The following KDM6B variants were observed in gnomAD, a reference collection of about 807,000 sequenced individuals.
KDM6B encodes the protein lysine demethylase 6B.
A neutral mutation model predicts 150.4 loss-of-function variants in KDM6B; 22 were observed. The observed-to-expected ratio is 0.15, with a 90% confidence interval of 0.10 to 0.21. KDM6B has a LOEUF of 0.21. Among genes scored for constraint, KDM6B ranks in the 10% least tolerant of loss-of-function variants. The pLI is 1.00. For missense variants in KDM6B, 1,984 were observed against 2,234.3 expected (o/e 0.89, Z 2.26); for synonymous variants, 1,148 against 921.1 (o/e 1.25, Z -4.46).
chr17:7,852,448 T>C (rs200413847), intron 20 of KDM6B, 47 bp from the exon 21 acceptor site: 1 of 1,289,832 alleles, frequency 7.8e-7, no homozygotes, highest in Non-Finnish European at 1.1e-6. Context: ...GGCCTAGGTG[T>C]CTGGGGGCTG....
chr17:7,844,324 CAGGGGAAGTAG>C lies in KDM6B; in HGVS notation c.-268-573_-268-563del, dbSNP rs200045810. ...GGTCGGTATTGAAGACCCAGAAAGC[CAGGGGAAGTAG>C]AGGACCTGGAGGAACTGGGTATGAG... On this transcript the variant is annotated intron_variant, in intron 2 of 23. Coordinates refer to ENST00000448097, the MANE Select transcript of KDM6B (RefSeq NM_001348716.2). This position sits in a 1 kb window ranked among gnomAD's most constrained non-coding sequence, Gnocchi z 5.9. 3,522 of 152,168 alleles carry C rather than the reference CAGGGGAAGTAG, an allele frequency of 0.023. 60 individuals are homozygous for C. The highest frequency in any genetic ancestry group is 0.11 in the Middle Eastern group (32 of 294). 9.4% of individuals were successfully genotyped at this position (152,168 alleles called of 1,614,324 possible). A position where few individuals can be genotyped will look rare whatever the true frequency, so the allele number is the denominator to read the frequency against.
In KDM6B at chr17:7,849,006, TG is replaced by T; in HGVS notation, c.2719del (p.Ala907LeufsTer8). ...QPPPPLSLPP[A>X]RSESEVLEEI... is the part of the protein sequence containing the mutation. ...CGCCCCCACCCCTATCTCTGCCCCCTGCTCGCTCTGAGTCTGAGGTGCTAGA... is the reference window on the plus strand; with the variant it reads ...CGCCCCCACCCCTATCTCTGCCCCCTCTCGCTCTGAGTCTGAGGTGCTAGA... On this transcript the variant is annotated frameshift_variant, in exon 12 of 24. Transcript: ENST00000448097. LOFTEE classifies it high-confidence loss of function. 1 of 855,826 alleles carries T rather than the reference TG, an allele frequency of 1.2e-6. No individual in the cohort carries two copies. The highest frequency in any genetic ancestry group is 1.7e-6 in the Non-Finnish European group (1 of 590,418). 53.0% of individuals were successfully genotyped at this position (855,826 alleles called of 1,614,324 possible).
At chr17:7,845,767 T>G in intron 5 of KDM6B, 76 bp downstream of exon 5, 1 of 1,607,328 alleles carries the variant, frequency 6.2e-7, no homozygotes, top group Non-Finnish European at 8.5e-7. Flanking sequence ...TCATTCTCCA[T>G]GGGTTCCTGT....
chr17:7,850,916 ACCAC>A (rs2078679213), intron 14 of KDM6B, 101 bp from the exon 15 acceptor site: 2 of 1,045,996 alleles, frequency 1.9e-6, no homozygotes, highest in Admixed American at 4.0e-5. Flanking sequence ...TAAACCTATG[ACCAC>A]CCTGTCAGAG....
Position 7,851,321 on chromosome 17 carries a change from GC to G in KDM6B, c.3880-8del. 1 of 1,614,040 alleles carries G rather than the reference GC, an allele frequency of 6.2e-7. No homozygotes were observed. Among genetic ancestry groups the G allele is most frequent in the Non-Finnish European group, 8.5e-7 (1 of 1,180,032 alleles). ...CTGACCCAGGCCTGCCTACCCTCTG[GC>G]TGAACAGGAGGAGAAGGAGAGTGAG... On this transcript the variant is annotated splice_region_variant and splice_polypyrimidine_tract_variant and intron_variant, in intron 15 of 23. Coordinates refer to ENST00000448097, the MANE Select transcript of KDM6B (RefSeq NM_001348716.2).
rs552080857 is a variant in KDM6B, at chr17:7,853,662, C to T, written c.*141C>T. ...TCCACCCCATTGGCAGCTCCCCTCA[C>T]TTAATTTATTAAGAAAAACTTTTTT... On this transcript the variant is annotated 3_prime_UTR_variant, in exon 24 of 24. Coordinates refer to ENST00000448097, the MANE Select transcript of KDM6B (RefSeq NM_001348716.2). The T allele has an allele frequency of 8.1e-4, 353 of 436,838 alleles. 1 individual carries two copies. Among genetic ancestry groups the T allele is most frequent in the African/African-American group, 6.8e-3 (324 of 47,480 alleles). 27.1% of individuals were successfully genotyped at this position (436,838 alleles called of 1,614,324 possible).
In KDM6B at chr17:7,848,279, C is replaced by G. The variant is rs142473008; in HGVS notation, c.1991C>G (p.Pro664Arg). The G allele has an allele frequency of 1.9e-6, 3 of 1,612,350 alleles. No homozygotes were observed. The Admixed American group carries it at 5.0e-5, about 27-fold the overall frequency. The part of the protein sequence containing the change: ...QPVPPGVGEL[P>R]ARGPRLFDFP... ...GTGCCGCCCGGGGTTGGGGAGCTGC[C>G]TGCCCGAGGCCCTCGACTCTTTGAT... Residue 664 changes from proline to arginine, a missense_variant, in exon 12 of 24, where the codon CCT becomes CGT. Physicochemically the swap from Pro to Arg is moderately radical, Grantham distance 103. Transcript: ENST00000448097.
rs771648781 is a variant in KDM6B at position 7,849,715 on chromosome 17, G to A, written c.3427G>A (p.Val1143Met). The change falls in exon 12 of 24, where the codon GTG becomes ATG. Residue 1143 changes from valine to methionine, a missense_variant. Physicochemically the swap from Val to Met is conservative, Grantham distance 21. Coordinates refer to ENST00000448097, the MANE Select transcript of KDM6B (RefSeq NM_001348716.2). ...CATCAGCCACTGTGCTGCTGACGTC[G>A]TGCGCGCCAGCAGGTGAGTCGGCTG... ...LTISHCAADV[V>M]RASRNAKVKG... The A allele has an allele frequency of 4.1e-5, 66 of 1,611,424 alleles. No homozygotes were observed. In the South Asian group the frequency reaches 6.1e-4, roughly 15 times the overall value.
At position 7,843,937 on chromosome 17, in the gene KDM6B, TG is replaced by T. The variant is rs201807594; in HGVS notation, c.-268-956del. On this transcript the variant is annotated intron_variant, in intron 2 of 23. Transcript: ENST00000448097. This position sits in a 1 kb window ranked among gnomAD's most constrained non-coding sequence, Gnocchi z 4.5. The stretch of plus-strand genomic sequence containing the variant: ...TCCAGTCGGCACCAAAGCGAAAGGG[TG>T]GGGGGGGCGTGAAGGAGGAAGTGAA... 2.1e-5 allele frequency among the ~76,000 whole-genome samples: 3 copies of T among 142,842 alleles called. No homozygotes were observed. The highest frequency in any genetic ancestry group is 3.4e-3 in the Middle Eastern group (1 of 294). 93.7% of individuals were successfully genotyped at this position (142,842 alleles called of 152,430 possible). A position where few individuals can be genotyped will look rare whatever the true frequency, so the allele number is the denominator to read the frequency against.
At position 7,853,501 on chromosome 17, in the gene KDM6B, C is replaced by A. The variant is rs2078747208; in HGVS notation, c.4912C>A (p.Pro1638Thr). 5 of 1,507,070 alleles carry A rather than the reference C, an allele frequency of 3.3e-6. No homozygotes were observed. Among genetic ancestry groups the A allele is most frequent in the Non-Finnish European group, 4.4e-6 (5 of 1,135,050 alleles). 93.4% of individuals were successfully genotyped at this position (1,507,070 alleles called of 1,614,324 possible). ...CCCGCCGGCTTTCTCCCCCCAGGCC[C>A]CAGCCAGCACGTCGCGATGAGGCCG... ...AQAYDAFTLA[P>T]ASTSR is the part of the protein sequence containing the mutation. The change falls in exon 24 of 24, where the codon CCA (proline) becomes ACA (threonine). Residue 1638 changes from proline to threonine, a missense_variant. Pro to Thr is a conservative substitution (Grantham distance 38, BLOSUM62 -1). Around this residue, in one of 13 missense-constraint regions of KDM6B, gnomAD observed 58 missense variants for 76.4 expected, o/e 0.76. Coordinates refer to ENST00000448097, the MANE Select transcript of KDM6B (RefSeq NM_001348716.2).
rs772885871 is a variant in KDM6B, at chr17:7,846,958, C to T, written c.851C>T (p.Thr284Ile). Residue 284 changes from threonine to isoleucine, a missense_variant, in exon 10 of 24, where the codon ACC becomes ATC. Coordinates refer to ENST00000448097, the MANE Select transcript of KDM6B (RefSeq NM_001348716.2). ...FQLTKPGLWSTLHGDAWGPER... is the reference protein window; with the variant it reads ...FQLTKPGLWSILHGDAWGPER... ...CTAACCAAGCCAGGGCTGTGGAGTACCCTGCATGGAGATGCCTGGGGCCCA... is the reference window on the plus strand; with the variant it reads ...CTAACCAAGCCAGGGCTGTGGAGTATCCTGCATGGAGATGCCTGGGGCCCA... 9 of 1,482,188 alleles carry T rather than the reference C, an allele frequency of 6.1e-6. No homozygotes were observed. In the African/African-American group the frequency reaches 1.2e-4, roughly 19 times the overall value. 91.8% of individuals were successfully genotyped at this position (1,482,188 alleles called of 1,614,324 possible).
intron 1 of KDM6B, among the ~76,000 whole-genome samples, chr17:7,839,648 G>T (rs2078385451): frequency 6.6e-6 from 1 of 152,094 alleles, no homozygotes; most frequent in African/African-American, 2.4e-5. Context: ...TCAGAAGAGG[G>T]ATCACGGGTT....
chr17:7,847,526 A>C lies in KDM6B; in HGVS notation c.1258-20A>C, dbSNP rs1334454289. 1 of 1,612,642 alleles carries C rather than the reference A, an allele frequency of 6.2e-7. No homozygotes were observed. Among genetic ancestry groups the C allele is most frequent in the African/African-American group, 1.3e-5 (1 of 74,632 alleles). ...AGGCAGCCCGAGCAATGCTCCTACC[A>C]CCTGCTTCTACACTTGCAGCCCGGC... On this transcript the variant is annotated intron_variant, in intron 11 of 23. Transcript: ENST00000448097.
Position 7,847,538 on chromosome 17 carries a change from A to T in KDM6B, c.1258-8A>T. 6.2e-7 allele frequency: 1 copy of T among 1,612,912 alleles called. No homozygotes were observed. The highest frequency in any genetic ancestry group is 2.2e-5 in the East Asian group (1 of 44,830). ...CAATGCTCCTACCACCTGCTTCTAC[A>T]CTTGCAGCCCGGCGCTGACCATTAC... On this transcript the variant is annotated splice_polypyrimidine_tract_variant and splice_region_variant and intron_variant, in intron 11 of 23. Transcript: ENST00000448097.
chr17:7,846,728 C>T lies in KDM6B; in HGVS notation c.699C>T (p.Cys233=), dbSNP rs1453066695. 6.2e-7 allele frequency: 1 copy of T among 1,614,086 alleles called. No homozygotes were observed. Among genetic ancestry groups the T allele is most frequent in the Non-Finnish European group, 8.5e-7 (1 of 1,179,974 alleles). The part of the protein sequence containing the change: ...LSPGGKRRRG[C]NSEQTGLPPG... ...CTGGAGGCAAGCGAAGGAGAGGCTG[C>T]AACTCTGAACAGGTGTGGGTATAGG... The change falls in exon 9 of 24, where the codon TGC becomes TGT. Residue 233 remains cysteine (C), a synonymous_variant. Transcript: ENST00000448097.
Position 7,843,298 on chromosome 17 carries a change from G to A in KDM6B, c.-268-1603G>A, listed in dbSNP as rs1331536251. On this transcript the variant is annotated intron_variant, in intron 2 of 23. Transcript: ENST00000448097. The surrounding 1 kb of genome is among the most constrained non-coding windows in gnomAD (Gnocchi z 4.5). ...GTACTCGGGTGGGGGCAGTCACGGA[G>A]GGCCATACTTGACCACAGTTCAGCG... Among the ~76,000 whole-genome samples the A allele has an allele frequency of 6.6e-6, 1 of 152,178 alleles. No homozygotes were observed. Among genetic ancestry groups the A allele is most frequent in the Non-Finnish European group, 1.5e-5 (1 of 68,036 alleles).
Position 7,847,363 on chromosome 17 carries a change from C to T in KDM6B, c.1168C>T (p.Pro390Ser), listed in dbSNP as rs769965116. ...TACVPYAPSRPPGLPGTTTSS... is the reference protein window; with the variant it reads ...TACVPYAPSRSPGLPGTTTSS... ...CTGCGTGCCTTACGCCCCTTCCCGG[C>T]CCCCTGGCCTCCCCGGCACCACCAC... The change falls in exon 11 of 24, where the codon CCC becomes TCC. Residue 390 changes from proline to serine, a missense_variant. Physicochemically the swap from Pro to Ser is moderately conservative, Grantham distance 74. Around this residue, in one of 13 missense-constraint regions of KDM6B, gnomAD observed 1,379 missense variants for 1,275.6 expected, o/e 1.08. Transcript: ENST00000448097. 1.2e-6 allele frequency: 2 copies of T among 1,612,568 alleles called. No homozygotes were observed. The highest frequency in any genetic ancestry group is 1.7e-6 in the Non-Finnish European group (2 of 1,179,950).
Position 7,854,570 on chromosome 17 carries a change from T to G in KDM6B, c.*1049T>G. The G allele has an allele frequency of 6.5e-6, 1 of 154,444 alleles. No individual in the cohort carries two copies. Among genetic ancestry groups the G allele is most frequent in the Non-Finnish European group, 1.4e-5 (1 of 69,206 alleles). 9.6% of individuals were successfully genotyped at this position (154,444 alleles called of 1,614,324 possible). A position where few individuals can be genotyped will look rare whatever the true frequency, so the allele number is the denominator to read the frequency against. The stretch of plus-strand genomic sequence containing the variant: ...AAACAACCCAGGGCCAGGGCCTCAC[T>G]GGGGCAGGGACACCCCGGGGTGAGT... On this transcript the variant is annotated 3_prime_UTR_variant, in exon 24 of 24. Coordinates refer to ENST00000448097, the MANE Select transcript of KDM6B (RefSeq NM_001348716.2).
At chr17:7,836,981 C>T (rs1411139478) in intron 1 of KDM6B, among the ~76,000 whole-genome samples, 2 of 152,198 alleles carry the variant, frequency 1.3e-5, no homozygotes, top group Admixed American at 1.3e-4. Context: ...TCTTTCCCCT[C>T]TCCCTTCCCG....
Sources: allele counts gnomAD v4.1 joint callset (sites outside exome capture counted in the v4.1 genomes callset), GRCh38; gene constraint gnomAD v4.1.1; regional missense constraint gnomAD v4.1.1; non-coding constraint Gnocchi (gnomAD v3.1); transcripts MANE v1.5; gene names NCBI Gene and HGNC (gene_info 2026-07-23, HGNC 2026-07-21).